CSPG5: variants seen among roughly 807,000 people sequenced by gnomAD.
CSPG5 encodes chondroitin sulfate proteoglycan 5, also known as acidic leucine-rich EGF-like domain-containing brain protein.
CSPG5 carries 25 observed loss-of-function variants against 39.8 expected under a neutral mutation model. The observed-to-expected ratio is 0.63, with a 90% CI of 0.46 to 0.88. The LOEUF (loss-of-function observed/expected upper bound fraction) is 0.88. Among genes scored for constraint, CSPG5 ranks in the 40% least tolerant of loss-of-function variants. The pLI, the probability that CSPG5 is intolerant of heterozygous loss-of-function variation, is 0.00. For missense variants in CSPG5, 627 were observed against 702.2 expected, an observed-to-expected ratio of 0.89 and a Z score of 1.21; for synonymous variants, 295 against 303.9, an observed-to-expected ratio of 0.97 and a Z score of 0.31.
chr3:47,572,004 C>G lies in CSPG5; in HGVS notation c.1382+682G>C, dbSNP rs1390682279. Reference sequence around the variant, plus strand: ...ATGCACACAACAGTCACTGCTTTGCCAAGAGAAGAGCTGAAATAAGATTCT... The same window carrying G: ...ATGCACACAACAGTCACTGCTTTGCGAAGAGAAGAGCTGAAATAAGATTCT... On this transcript the variant is annotated intron_variant, in intron 3 of 4. Transcript: ENST00000264723. The surrounding 1 kb of genome is among the most constrained non-coding windows in gnomAD (Gnocchi z 4.5). 1.3e-5 allele frequency among the ~76,000 whole-genome samples: 2 copies of G among 152,188 alleles called. No individual in the cohort carries two copies. The highest frequency in any genetic ancestry group is 4.8e-5 in the African/African-American group (2 of 41,442).
intron 4 of CSPG5, among the ~76,000 whole-genome samples, chr3:47,564,982 TAATC>T (rs2031237297): frequency 6.6e-6 from 1 of 152,172 alleles, no homozygotes; most frequent in Non-Finnish European, 1.5e-5. Flanking sequence ...AGAGGACCTA[TAATC>T]ACCTCTCCTC....
At chr3:47,564,096 A>G (rs747291729) in intron 4 of CSPG5, among the ~76,000 whole-genome samples, 35 of 152,238 alleles carry the variant, frequency 2.3e-4, no homozygotes, top group Admixed American at 5.9e-4. Context: ...ACTAAGGCAG[A>G]TTCATGGATG....
rs1264207005 is a variant in CSPG5 at position 47,577,943 on chromosome 3, G to A, written c.98-15C>T. On this transcript the variant is annotated splice_polypyrimidine_tract_variant and intron_variant, in intron 1 of 4. Coordinates refer to ENST00000264723, the MANE Select transcript of CSPG5 (RefSeq NM_006574.4). The surrounding 1 kb of genome is among the most constrained non-coding windows in gnomAD (Gnocchi z 4.7). ...CGCCTCACGCGCTGCGGGCGGGAGG[G>A]CAAGGGGCGGGACGTCAGGGCGGCG... The A allele has an allele frequency of 7.1e-7, 1 of 1,406,362 alleles. No homozygotes were observed. The allele number at this position is 1,406,362 out of a possible 1,614,324, so 87.1% of individuals were successfully genotyped here. A position where few individuals can be genotyped will look rare whatever the true frequency, so the allele number is the denominator to read the frequency against.
chr3:47,577,250 G>T lies in CSPG5; in HGVS notation c.776C>A (p.Pro259His). ...GGGGTAGAAATCAGATTCATCGAAG[G>T]GGGTGAAATCATCGTATAAGTCAAG... ...SLLDLYDDFT[P>H]FDESDFYPTT... is the part of the protein sequence containing the mutation. The change falls in exon 2 of 5, where the codon CCC becomes CAC. Residue 259 changes from proline (P) to histidine (H), a missense_variant. Physicochemically the swap from Pro to His is moderately conservative, Grantham distance 77. Coordinates refer to ENST00000264723, the MANE Select transcript of CSPG5 (RefSeq NM_006574.4). The surrounding 1 kb of genome is among the most constrained non-coding windows in gnomAD (Gnocchi z 4.7). 1 of 1,611,464 alleles carries T rather than the reference G, an allele frequency of 6.2e-7. No individual in the cohort carries two copies. Among genetic ancestry groups the T allele is most frequent in the Non-Finnish European group, 8.5e-7 (1 of 1,178,768 alleles).
chr3:47,577,284 A>T lies in CSPG5; in HGVS notation c.742T>A (p.Trp248Arg). The change falls in exon 2 of 5, where the codon TGG becomes AGG. Residue 248 changes from tryptophan to arginine, a missense_variant. Transcript: ENST00000264723. This position sits in a 1 kb window ranked among gnomAD's most constrained non-coding sequence, Gnocchi z 4.7. ...TCATCGTATAAGTCAAGCAGGCTCC[A>T]GGAAGGGGTCTCTCCCTCAGTATCA... ...HPDTEGETPS[W>R]SLLDLYDDFT... 1 of 1,613,612 alleles carries T rather than the reference A, an allele frequency of 6.2e-7. No individual in the cohort carries two copies. The highest frequency in any genetic ancestry group is 8.5e-7 in the Non-Finnish European group (1 of 1,179,740).
At position 47,572,903 on chromosome 3, in the gene CSPG5, C is replaced by T. The variant is rs188623060; in HGVS notation, c.1194-29G>A. ...CAGCAGCGACATTGAGAAACCGTGGCGATGGAGCAGGCAGCCACGGCCACA... is the reference window on the plus strand; with the variant it reads ...CAGCAGCGACATTGAGAAACCGTGGTGATGGAGCAGGCAGCCACGGCCACA... On this transcript the variant is annotated intron_variant, in intron 2 of 4. Coordinates refer to ENST00000264723, the MANE Select transcript of CSPG5 (RefSeq NM_006574.4). The surrounding 1 kb of genome is among the most constrained non-coding windows in gnomAD (Gnocchi z 4.5). The T allele has an allele frequency of 9.2e-5, 147 of 1,592,624 alleles. No homozygotes were observed. Among genetic ancestry groups the T allele is most frequent in the Middle Eastern group, 1.8e-4 (1 of 5,654 alleles).
chr3:47,570,652 T>A (rs998129749), intron 3 of CSPG5, among the ~76,000 whole-genome samples: 2 of 151,806 alleles, frequency 1.3e-5, no homozygotes, highest in African/African-American at 4.8e-5. Context: ...GGATTACAGG[T>A]GGCTGCCACC....
intron 3 of CSPG5, among the ~76,000 whole-genome samples, chr3:47,570,587 G>A (rs1009441128): frequency 6.7e-6 from 1 of 150,334 alleles, no homozygotes; most frequent in Non-Finnish European, 1.5e-5. Context: ...TCGGCTCACC[G>A]CAACCTCCAC....
chr3:47,563,504 C>G (rs546112305), intron 4 of CSPG5, among the ~76,000 whole-genome samples: 3 of 152,136 alleles, frequency 2.0e-5, no homozygotes, highest in African/African-American at 7.2e-5. Flanking sequence ...CTGACAAACT[C>G]CTGAACCTGA....
At position 47,577,535 on chromosome 3, in the gene CSPG5, G is replaced by C. The variant is rs35863063; in HGVS notation, c.491C>G (p.Ala164Gly). 6,216 of 1,611,234 alleles carry C rather than the reference G, an allele frequency of 3.9e-3. 181 individuals carry two copies. The African/African-American group carries it at 0.068, about 18-fold the overall frequency. ...GGGGCTCTCCTTGGGGAGTTCAGAA[G>C]CTGGGCTCAGCTTGTCGCCGGGGGT... is the stretch of plus-strand genomic sequence containing the variant. Reference protein sequence around the residue: ...SPTPGDKLSPASELPKESPLE... With the variant: ...SPTPGDKLSPGSELPKESPLE... Residue 164 changes from alanine to glycine, a missense_variant, in exon 2 of 5, where the codon GCT (alanine) becomes GGT (glycine). By Grantham distance (60) the Ala-to-Gly change is moderately conservative. Coordinates refer to ENST00000264723, the MANE Select transcript of CSPG5 (RefSeq NM_006574.4). This position sits in a 1 kb window ranked among gnomAD's most constrained non-coding sequence, Gnocchi z 4.7.
rs537737924 is a variant in CSPG5 at position 47,571,729 on chromosome 3, G to A, written c.1382+957C>T. On this transcript the variant is annotated intron_variant, in intron 3 of 4. Coordinates refer to ENST00000264723, the MANE Select transcript of CSPG5 (RefSeq NM_006574.4). ...AAGTCCTTCAGTCACATTCTCTAGA[G>A]GGAGTCTCAGGTCAAGGGGAGGGGG... is the stretch of plus-strand genomic sequence containing the variant. Among the ~76,000 whole-genome samples, 14 of 152,284 alleles carry A rather than the reference G, an allele frequency of 9.2e-5. No individual in the cohort carries two copies. In the East Asian group the frequency reaches 2.1e-3, roughly 23 times the overall value.
In CSPG5 at chr3:47,577,705, G is replaced by A; in HGVS notation, c.321C>T (p.Gly107=). The change falls in exon 2 of 5, where the codon GGC becomes GGT. Residue 107 remains glycine, a synonymous_variant. Transcript: ENST00000264723. This position sits in a 1 kb window ranked among gnomAD's most constrained non-coding sequence, Gnocchi z 4.7. Reference sequence around the variant, plus strand: ...CCGCCTCTGCGGTCACTCCTCCCAGGCCTGGGCTGTCAGCTTCCAGCCAGG... The same window carrying A: ...CCGCCTCTGCGGTCACTCCTCCCAGACCTGGGCTGTCAGCTTCCAGCCAGG... ...GTAWLEADSP[G]LGGVTAEAGS... The A allele has an allele frequency of 2.5e-6, 4 of 1,584,226 alleles. No individual in the cohort carries two copies. The highest frequency in any genetic ancestry group is 3.4e-6 in the Non-Finnish European group (4 of 1,168,930).
At chr3:47,568,904 A>G (rs2031412361) in intron 4 of CSPG5, among the ~76,000 whole-genome samples, 1 of 152,160 alleles carries the variant, frequency 6.6e-6, no homozygotes, top group African/African-American at 2.4e-5. Flanking sequence ...TGCTTGTCAA[A>G]TAAGTGATAC....
chr3:47,576,457 TTTTG>T (rs2031736302), intron 2 of CSPG5, among the ~76,000 whole-genome samples: 1 of 137,998 alleles, frequency 7.2e-6, no homozygotes, highest in Admixed American at 7.5e-5. Context: ...CTCTGTTTTG[TTTTG>T]TTTTTTTTTT....
Position 47,564,602 on chromosome 3 carries a change from G to A in CSPG5, c.1459-1841C>T, listed in dbSNP as rs114854139. The stretch of plus-strand genomic sequence containing the variant: ...TAAGGCAGCTGCACACAGCACGCGC[G>A]GCCAGTTGAATGGTCAATCACTGCT... On this transcript the variant is annotated intron_variant, in intron 4 of 4. Transcript: ENST00000264723. Among the ~76,000 whole-genome samples the A allele has an allele frequency of 4.2e-4, 64 of 152,264 alleles. 1 individual carries two copies. Among genetic ancestry groups the A allele is most frequent in the African/African-American group, 1.4e-3 (58 of 41,550 alleles).
Position 47,574,748 on chromosome 3 carries a change from G to A in CSPG5, c.1194-1874C>T, listed in dbSNP as rs144719526. The stretch of plus-strand genomic sequence containing the variant: ...AGGTCAGGAGATTGAAACCATCCTG[G>A]CTAACACAGTGAAATCCCGTCTTTA... On this transcript the variant is annotated intron_variant, in intron 2 of 4. Transcript: ENST00000264723. 5.6e-3 allele frequency among the ~76,000 whole-genome samples: 850 copies of A among 152,148 alleles called. 10 individuals are homozygous for A. The highest frequency in any genetic ancestry group is 0.019 in the African/African-American group (800 of 41,516).
At chr3:47,568,776 G>A (rs2031407725) in intron 4 of CSPG5, among the ~76,000 whole-genome samples, 1 of 152,120 alleles carries the variant, frequency 6.6e-6, no homozygotes, top group African/African-American at 2.4e-5. Context: ...AGCACTTTAG[G>A]AGCCTGAGGC....
intron 2 of CSPG5, among the ~76,000 whole-genome samples, chr3:47,576,113 T>G: frequency 6.6e-6 from 1 of 151,664 alleles, no homozygotes; most frequent in South Asian, 2.1e-4. Flanking sequence ...TTTTTTATGT[T>G]TTTAGTAGAG....
intron 2 of CSPG5, 80 bp downstream of exon 2, chr3:47,576,753 C>A: frequency 6.8e-7 from 1 of 1,468,240 alleles, no homozygotes; most frequent in Non-Finnish European, 9.1e-7. Flanking sequence ...AGCCAACGCG[C>A]CCGGCTACGC....
Sources: gnomAD v4.1 joint callset for allele counts (sites outside exome capture counted in the v4.1 genomes callset) on GRCh38, gnomAD v4.1.1 for gene constraint, Gnocchi (gnomAD v3.1) non-coding constraint, MANE v1.5 for transcripts, NCBI Gene and HGNC (gene_info 2026-07-23, HGNC 2026-07-21) for gene names.